The following KMT2A variants were observed in gnomAD, a reference collection of about 807,000 sequenced individuals.
The protein encoded by KMT2A is histone-lysine N-methyltransferase 2A.
In KMT2A, 16 loss-of-function variants were observed where a neutral mutation model predicts 345.3. That is an observed-to-expected ratio of 0.05 (90% confidence interval 0.03 to 0.07). The LOEUF (loss-of-function observed/expected upper bound fraction) is 0.07. KMT2A is among the 10% of genes least tolerant of loss of function. The pLI is 1.00. For missense variants in KMT2A, 3,272 were observed against 4,841.6 expected (o/e 0.68, Z 9.62); for synonymous variants, 1,599 against 1,778.6 (o/e 0.90, Z 2.54).
intron 31 of KMT2A, 165 bp from the exon 32 acceptor site, chr11:118,519,453 G>A (rs563208077): frequency 9.8e-6 from 6 of 609,444 alleles, no homozygotes; most frequent in South Asian, 6.9e-5. Context: ...ATCTGTATCA[G>A]CATCATTTTA....
At chr11:118,508,990 T>G (rs1950637079) in intron 28 of KMT2A, 146 bp from the exon 29 acceptor site, 1 of 616,920 alleles carries the variant, frequency 1.6e-6, no homozygotes, top group Non-Finnish European at 2.9e-6. Context: ...GGTGGTTGTA[T>G]TCATTCAACA....
At chr11:118,443,078 G>C (rs1949346339) in intron 1 of KMT2A, among the ~76,000 whole-genome samples, 1 of 152,154 alleles carries the variant, frequency 6.6e-6, no homozygotes, top group Admixed American at 6.5e-5. Context: ...AATAAAGCTG[G>C]AGGCCTGCAC....
chr11:118,472,427 A>G lies in KMT2A; in HGVS notation c.1268A>G (p.Lys423Arg). ...AGTGCTATCTCCTCGCGGATCATTA[A>G]GACCCCTCGGCGGTTTATAGAGGAT... Reference protein sequence around the residue: ...VVSAISSRIIKTPRRFIEDED... With the variant: ...VVSAISSRIIRTPRRFIEDED... Residue 423 changes from lysine to arginine, a missense_variant, in exon 3 of 36, where the codon AAG becomes AGG. By Grantham distance (26) the Lys-to-Arg change is conservative (BLOSUM62 2). This residue lies in a region of KMT2A where 9 missense variants were observed against 36.7 expected (regional missense o/e 0.25). Coordinates refer to ENST00000534358, the MANE Select transcript of KMT2A (RefSeq NM_001197104.2). 2.5e-6 allele frequency: 4 copies of G among 1,614,092 alleles called. No individual in the cohort carries two copies. The highest frequency in any genetic ancestry group is 3.4e-6 in the Non-Finnish European group (4 of 1,180,022).
At chr11:118,455,879 G>A (rs1949632675) in intron 1 of KMT2A, among the ~76,000 whole-genome samples, 1 of 151,904 alleles carries the variant, frequency 6.6e-6, no homozygotes, top group African/African-American at 2.4e-5. Flanking sequence ...TTGTAGAGAT[G>A]GGGTTTCACA....
rs137888966 is a variant in KMT2A at position 118,451,712 on chromosome 11, G to A, written c.432+14768G>A. 7.3e-3 allele frequency among the ~76,000 whole-genome samples: 1,075 copies of A among 147,398 alleles called. 13 individuals carry two copies. Among genetic ancestry groups the A allele is most frequent in the African/African-American group, 0.025 (981 of 39,730 alleles). On this transcript the variant is annotated intron_variant, in intron 1 of 35. Coordinates refer to ENST00000534358, the MANE Select transcript of KMT2A (RefSeq NM_001197104.2). ...CTCACCATCTTATGTAGCTGGTCTC[G>A]AACTCCCAGGCTCAAGCAGTCGTCC...
intron 1 of KMT2A, among the ~76,000 whole-genome samples, chr11:118,454,214 T>C (rs1038211668): frequency 2.6e-5 from 4 of 152,206 alleles, no homozygotes; most frequent in Admixed American, 2.0e-4. Context: ...AACCTATCTG[T>C]GTCTCCCCAC....
rs1174556227 is a variant in KMT2A at position 118,497,833 on chromosome 11, T to C, written c.5665-103T>C. 1.2e-6 allele frequency: 1 copy of C among 832,078 alleles called. No homozygotes were observed. Among genetic ancestry groups the C allele is most frequent in the African/African-American group, 1.7e-5 (1 of 58,374 alleles). 51.5% of individuals were successfully genotyped at this position (832,078 alleles called of 1,614,324 possible). On this transcript the variant is annotated intron_variant, in intron 20 of 35. Transcript: ENST00000534358. This position sits in a 1 kb window ranked among gnomAD's most constrained non-coding sequence, Gnocchi z 4.8. The stretch of plus-strand genomic sequence containing the variant: ...TGTGCCTCCCTCCATTAAAGAATTA[T>C]AGTTGCTTTCTTGAGGTTATCTTCA...
Position 118,504,434 on chromosome 11 carries a change from C to T in KMT2A, c.8542C>T (p.Leu2848=). 1 of 1,614,154 alleles carries T rather than the reference C, an allele frequency of 6.2e-7. No homozygotes were observed. Among genetic ancestry groups the T allele is most frequent in the South Asian group, 1.1e-5 (1 of 91,080 alleles). The change falls in exon 27 of 36, where the codon CTG becomes TTG. Residue 2848 remains leucine, a synonymous_variant. Transcript: ENST00000534358. This position sits in a 1 kb window ranked among gnomAD's most constrained non-coding sequence, Gnocchi z 6.4. ...CAACAGTGATGACTGTGGGAATATC[C>T]TGCCTTCAGACATTATGGACTTTGT... ...NNNSDDCGNI[L]PSDIMDFVLK...
Position 118,436,650 on chromosome 11 carries a change from C to G in KMT2A, c.138C>G (p.Val46=). 8.5e-7 allele frequency: 1 copy of G among 1,170,518 alleles called. No individual in the cohort carries two copies. Among genetic ancestry groups the G allele is most frequent in the Non-Finnish European group, 1.1e-6 (1 of 945,540 alleles). 72.5% of individuals were successfully genotyped at this position (1,170,518 alleles called of 1,614,324 possible). ...PALLLPPGPP[V]GGGGPGAPPS... ...TGCTGCTTCCCCCCGGGCCCCCGGT[C>G]GGCGGTGGCGGCCCCGGGGCGCCCC... Residue 46 remains valine (V), a synonymous_variant, in exon 1 of 36, where the codon GTC becomes GTG. Transcript: ENST00000534358. The surrounding 1 kb of genome is among the most constrained non-coding windows in gnomAD (Gnocchi z 6.9).
Position 118,520,074 on chromosome 11 carries a change from G to A in KMT2A, c.11429+10G>A. On this transcript the variant is annotated intron_variant, in intron 33 of 35. Transcript: ENST00000534358. The surrounding 1 kb of genome is among the most constrained non-coding windows in gnomAD (Gnocchi z 4.3). The stretch of plus-strand genomic sequence containing the variant: ...AGCTGAAGTCAGCTCGGTAAGTCTT[G>A]AGTGGGGAGCAGTCATTAGAAACTG... 6.3e-7 allele frequency: 1 copy of A among 1,582,576 alleles called. No homozygotes were observed. The highest frequency in any genetic ancestry group is 8.7e-7 in the Non-Finnish European group (1 of 1,151,702).
intron 1 of KMT2A, chr11:118,450,030 A>G (rs1949502012): frequency 6.6e-6 from 1 of 152,214 alleles, no homozygotes; most frequent in African/African-American, 2.4e-5. Flanking sequence ...GCCTATTCAA[A>G]TCAATCTGGT....
At position 118,488,739 on chromosome 11, in the gene KMT2A, A is replaced by C. The variant is rs1222020184; in HGVS notation, c.4458A>C (p.Gly1486=). 5.0e-6 allele frequency: 8 copies of C among 1,614,074 alleles called. No individual in the cohort carries two copies. Among genetic ancestry groups the C allele is most frequent in the African/African-American group, 4.0e-5 (3 of 74,928 alleles). Reference sequence around the variant, plus strand: ...GTTGCAAATTCTGTCACGTTTGTGGAAGGCAACATCAGGCTACAAAGGTAC... The same window carrying C: ...GTTGCAAATTCTGTCACGTTTGTGGCAGGCAACATCAGGCTACAAAGGTAC... The part of the protein sequence containing the change: ...CRRCKFCHVC[G]RQHQATKQLL... The change falls in exon 11 of 36, where the codon GGA becomes GGC. Residue 1486 remains glycine (G), a synonymous_variant. Transcript: ENST00000534358.
intron 15 of KMT2A, among the ~76,000 whole-genome samples, chr11:118,492,596 G>A (rs1175763064): frequency 3.3e-5 from 5 of 152,208 alleles, no homozygotes; most frequent in Admixed American, 1.3e-4. Context: ...GGAGAATGGC[G>A]TGAACCTGGG....
intron 5 of KMT2A, among the ~76,000 whole-genome samples, chr11:118,478,887 A>G (rs994890474): frequency 2.0e-5 from 3 of 152,026 alleles, no homozygotes; most frequent in African/African-American, 4.8e-5. Context: ...CTCCCAAAGT[A>G]CTGGGATTAC....
chr11:118,468,883 T>C, intron 2 of KMT2A, 39 bp downstream of exon 2: 2 of 1,541,828 alleles, frequency 1.3e-6, no homozygotes, highest in Admixed American at 1.7e-5. Flanking sequence ...TTAAGTTTTG[T>C]TTGTTAGGAG....
Position 118,476,839 on chromosome 11 carries a change from G to C in KMT2A, c.3191G>C (p.Arg1064Pro), listed in dbSNP as rs782755322. 11 of 1,613,460 alleles carry C rather than the reference G, an allele frequency of 6.8e-6. No homozygotes were observed. Among genetic ancestry groups the C allele is most frequent in the Non-Finnish European group, 9.3e-6 (11 of 1,179,524 alleles). Reference protein sequence around the residue: ...QESDSSETSVRGPRIKHVCRR... With the variant: ...QESDSSETSVPGPRIKHVCRR... Reference sequence around the variant, plus strand: ...AGTGACTCATCAGAGACCTCTGTGCGAGGACCCCGGATTAAACATGTCTGC... The same window carrying C: ...AGTGACTCATCAGAGACCTCTGTGCCAGGACCCCGGATTAAACATGTCTGC... The change falls in exon 4 of 36, where the codon CGA becomes CCA. Residue 1064 changes from arginine (R) to proline (P), a missense_variant. Around this residue, in one of 27 missense-constraint regions of KMT2A, gnomAD observed 29 missense variants for 27.1 expected, o/e 1.07. Coordinates refer to ENST00000534358, the MANE Select transcript of KMT2A (RefSeq NM_001197104.2). This position sits in a 1 kb window ranked among gnomAD's most constrained non-coding sequence, Gnocchi z 4.1.
rs182758319 is a variant in KMT2A at position 118,495,551 on chromosome 11, C to A, written c.5364-149C>A. On this transcript the variant is annotated intron_variant, in intron 18 of 35. Coordinates refer to ENST00000534358, the MANE Select transcript of KMT2A (RefSeq NM_001197104.2). The surrounding 1 kb of genome is among the most constrained non-coding windows in gnomAD (Gnocchi z 4.1). Reference sequence around the variant, plus strand: ...TTTTTAAAATATTGAGTTCTGTGTACTTCAGCAATTTTCAAACGCTGTGAC... The same window carrying A: ...TTTTTAAAATATTGAGTTCTGTGTAATTCAGCAATTTTCAAACGCTGTGAC... 268 of 519,338 alleles carry A rather than the reference C, an allele frequency of 5.2e-4. 1 individual carries two copies. The highest frequency in any genetic ancestry group is 4.9e-3 in the African/African-American group (247 of 50,766). 32.2% of individuals were successfully genotyped at this position (519,338 alleles called of 1,614,324 possible). A position where few individuals can be genotyped will look rare whatever the true frequency, so the allele number is the denominator to read the frequency against.
In KMT2A at chr11:118,519,609, T is replaced by A. The variant is rs192315937; in HGVS notation, c.11147-9T>A. On this transcript the variant is annotated splice_polypyrimidine_tract_variant and intron_variant, in intron 31 of 35. Transcript: ENST00000534358. ...CTCCTCACTTCCCTGGTGCTTCTGA[T>A]TCTTCTAGGTGTTAACGGTTTGAGG... 4.4e-6 allele frequency: 7 copies of A among 1,602,626 alleles called. No homozygotes were observed. The highest frequency in any genetic ancestry group is 2.2e-5 in the East Asian group (1 of 44,624).
At chr11:118,488,818 C>A in intron 11 of KMT2A, 58 bp downstream of exon 11, 1 of 1,548,612 alleles carries the variant, frequency 6.5e-7, no homozygotes, top group Non-Finnish European at 8.8e-7. Flanking sequence ...GTTCTGTATC[C>A]CTGGACTCAA....
Sources: gnomAD v4.1 joint callset for allele counts (sites outside exome capture counted in the v4.1 genomes callset) on GRCh38, gnomAD v4.1.1 for gene constraint, gnomAD v4.1.1 regional missense constraint, Gnocchi (gnomAD v3.1) non-coding constraint, MANE v1.5 for transcripts, NCBI Gene and HGNC (gene_info 2026-07-23, HGNC 2026-07-21) for gene names.